Variants in CNEP1R1 observed in about 807,000 individuals in gnomAD.
The protein encoded by CNEP1R1 is nuclear envelope phosphatase-regulatory subunit 1.
A neutral mutation model predicts 22.7 loss-of-function variants in CNEP1R1; 10 were observed. The ratio of observed to expected loss-of-function variants is 0.44; its 90% CI spans 0.27 to 0.75. The LOEUF (loss-of-function observed/expected upper bound fraction) is 0.75, where lower values mean the gene tolerates loss of function less well. Ranked by LOEUF, CNEP1R1 falls within the 30% of genes least tolerant of loss-of-function variation. The pLI is 0.17. For synonymous variants in CNEP1R1, 53 were observed against 50.1 expected, an observed-to-expected ratio of 1.06 and a Z score of -0.25; for missense variants, 73 against 151.5, an observed-to-expected ratio of 0.48 and a Z score of 2.72.
chr16:50,030,834 G>C (rs184825568), intron 3 of CNEP1R1, among the ~76,000 whole-genome samples: 1 of 152,246 alleles, frequency 6.6e-6, no homozygotes, highest in East Asian at 1.9e-4. Flanking sequence ...AAAATTTCTT[G>C]CCTGAAGTTT....
At chr16:50,027,895 C>T (rs2036200258) in intron 2 of CNEP1R1, among the ~76,000 whole-genome samples, 1 of 152,052 alleles carries the variant, frequency 6.6e-6, no homozygotes, top group African/African-American at 2.4e-5. Context: ...GAAATGTGGA[C>T]AAATATATGA....
At chr16:50,025,889 C>A in intron 1 of CNEP1R1, 1 of 596,590 alleles carries the variant, frequency 1.7e-6, no homozygotes, top group South Asian at 2.0e-5. Context: ...CACTCGCTAT[C>A]AGTGTCAAGA....
At chr16:50,034,227 A>T in intron 5 of CNEP1R1, 71 bp downstream of exon 5, 1 of 967,272 alleles carries the variant, frequency 1.0e-6, no homozygotes, top group Non-Finnish European at 1.6e-6. Flanking sequence ...TTAGAAAGGT[A>T]GACATTTTAT....
intron 4 of CNEP1R1, 129 bp from the exon 5 acceptor site, chr16:50,033,973 G>A (rs1006179521): frequency 1.1e-5 from 7 of 645,044 alleles, no homozygotes; most frequent in Non-Finnish European, 1.7e-5. Flanking sequence ...GGATGGTCTC[G>A]ATCTCCTGAC....
At chr16:50,027,429 AC>A (rs2036194910) in intron 2 of CNEP1R1, among the ~76,000 whole-genome samples, 1 of 150,470 alleles carries the variant, frequency 6.6e-6, no homozygotes, top group Admixed American at 6.7e-5. Flanking sequence ...AATGGAGTGA[AC>A]CCAGGAGGCA....
In CNEP1R1 at chr16:50,025,346, G is replaced by A. The variant is rs1267078163; in HGVS notation, c.25+6G>A. 1 of 1,437,424 alleles carries A rather than the reference G, an allele frequency of 7.0e-7. No homozygotes were observed. Among genetic ancestry groups the A allele is most frequent in the Non-Finnish European group, 9.1e-7 (1 of 1,098,672 alleles). 89.0% of individuals were successfully genotyped at this position (1,437,424 alleles called of 1,614,324 possible). On this transcript the variant is annotated splice_donor_region_variant and intron_variant, in intron 1 of 5. Transcript: ENST00000427478. ...CTCGCTGGAGCAGGCGGAAGGTAGG[G>A]TGGGCCGCCCGGGCCCGTCCCCCGT...
intron 3 of CNEP1R1, 57 bp downstream of exon 3, chr16:50,029,855 G>C: frequency 1.0e-6 from 1 of 1,003,944 alleles, no homozygotes. Flanking sequence ...GGATATTGTA[G>C]TGCTTTGTTA....
In CNEP1R1 at chr16:50,035,532, G is replaced by T; in HGVS notation, c.*74G>T. On this transcript the variant is annotated 3_prime_UTR_variant, in exon 6 of 6. Transcript: ENST00000427478. ...AGTGATACAGCAAAAAGCCATAAAG[G>T]ATTCCTTTTGCGGTTGGATATGTAA... is the stretch of plus-strand genomic sequence containing the variant. 1 of 1,148,640 alleles carries T rather than the reference G, an allele frequency of 8.7e-7. No homozygotes were observed. The highest frequency in any genetic ancestry group is 1.4e-5 in the South Asian group (1 of 72,930). 71.2% of individuals were successfully genotyped at this position (1,148,640 alleles called of 1,614,324 possible).
chr16:50,032,309 T>C (rs376943799), intron 3 of CNEP1R1, among the ~76,000 whole-genome samples: 15 of 152,352 alleles, frequency 9.8e-5, no homozygotes, highest in African/African-American at 3.1e-4. Flanking sequence ...CCTATTCTTA[T>C]TCCAGTCATG....
chr16:50,025,881 C>G (rs928771072), intron 1 of CNEP1R1: 1 of 600,132 alleles, frequency 1.7e-6, no homozygotes. Context: ...TCCACACCCA[C>G]TCGCTATCAG....
At chr16:50,030,022 T>C (rs1325605801) in intron 3 of CNEP1R1, among the ~76,000 whole-genome samples, 1 of 152,252 alleles carries the variant, frequency 6.6e-6, no homozygotes, top group African/African-American at 2.4e-5. Context: ...TATTATTTCT[T>C]AGACATTTAT....
chr16:50,027,223 G>A (rs1332624948), intron 2 of CNEP1R1, among the ~76,000 whole-genome samples: 2 of 151,976 alleles, frequency 1.3e-5, no homozygotes, highest in Admixed American at 1.3e-4. Context: ...GGGTAACATG[G>A]AGAGACCCCA....
chr16:50,026,517 A>G (rs2036185038), intron 2 of CNEP1R1, 50 bp downstream of exon 2: 2 of 1,279,186 alleles, frequency 1.6e-6, no homozygotes, highest in South Asian at 1.3e-5. Flanking sequence ...TGATACTTTT[A>G]TCCTAATATA....
chr16:50,025,569 C>A, intron 1 of CNEP1R1: 1 of 1,395,132 alleles, frequency 7.2e-7, no homozygotes, highest in Non-Finnish European at 1.0e-6. Context: ...TCGCCAGCTT[C>A]TATTTTTATT....
chr16:50,034,549 T>C, intron 5 of CNEP1R1: 1 of 170,136 alleles, frequency 5.9e-6, no homozygotes, highest in Non-Finnish European at 1.2e-5. Flanking sequence ...TTTGTAAATA[T>C]AGAGTCATAG....
intron 1 of CNEP1R1, 25 bp downstream of exon 1, chr16:50,025,365 C>T (rs761523307): frequency 7.0e-7 from 1 of 1,435,486 alleles, no homozygotes; most frequent in Non-Finnish European, 9.1e-7. Context: ...CCGGGCCCGT[C>T]CCCCGTCTCC....
intron 2 of CNEP1R1, among the ~76,000 whole-genome samples, chr16:50,027,793 G>C (rs1434363456): frequency 6.6e-6 from 1 of 151,950 alleles, no homozygotes; most frequent in Non-Finnish European, 1.5e-5. Flanking sequence ...GTCTGACCTA[G>C]AAAATTCACA....
intron 1 of CNEP1R1, 83 bp downstream of exon 1, chr16:50,025,423 C>T: frequency 7.4e-7 from 1 of 1,349,094 alleles, no homozygotes. Context: ...GTGAAGACCC[C>T]CGCCCCGGGA....
chr16:50,032,457 G>A (rs1443691973), intron 3 of CNEP1R1, among the ~76,000 whole-genome samples: 3 of 152,056 alleles, frequency 2.0e-5, no homozygotes, highest in African/African-American at 7.2e-5. Flanking sequence ...GCTACTAATC[G>A]TTTTTCCCTA....
Sources: allele counts gnomAD v4.1 joint callset (sites outside exome capture counted in the v4.1 genomes callset), GRCh38; gene constraint gnomAD v4.1.1; transcripts MANE v1.5; gene names NCBI Gene and HGNC (gene_info 2026-07-23, HGNC 2026-07-21).